JPH3: variants seen among roughly 807,000 people sequenced by gnomAD.
JPH3 encodes junctophilin-3.
In JPH3, 11 loss-of-function variants were observed where a neutral mutation model predicts 59.6. The ratio of observed to expected loss-of-function variants is 0.18; its 90% CI spans 0.12 to 0.31. The LOEUF (loss-of-function observed/expected upper bound fraction) is 0.31, where lower values mean the gene tolerates loss of function less well. JPH3 is among the 10% of genes least tolerant of loss of function. JPH3 has a pLI of 1.00. For missense variants in JPH3, 1,202 were observed against 1,105.7 expected (o/e 1.09, Z -1.24); for synonymous variants, 673 against 483.6 (o/e 1.39, Z -5.14).
intron 2 of JPH3, among the ~76,000 whole-genome samples, chr16:87,677,232 A>T (rs1408685417): frequency 3.8e-5 from 2 of 53,332 alleles, no homozygotes; most frequent in Non-Finnish European, 7.4e-5. Flanking sequence ...ACACAAAAAA[A>T]AAAATTAGCC....
At chr16:87,629,664 C>A (rs139963079) in intron 1 of JPH3, among the ~76,000 whole-genome samples, 1 of 131,308 alleles carries the variant, frequency 7.6e-6, no homozygotes, top group African/African-American at 2.8e-5. Flanking sequence ...GTGACAAGAT[C>A]ATTGGTTGCC....
chr16:87,692,055 C>T (rs1363843666), intron 4 of JPH3, among the ~76,000 whole-genome samples: 2 of 152,126 alleles, frequency 1.3e-5, no homozygotes, highest in Non-Finnish European at 2.9e-5. Flanking sequence ...TACATGCTGC[C>T]CTGGTCCTGC....
intron 2 of JPH3, chr16:87,683,802 T>G: frequency 4.3e-6 from 1 of 233,526 alleles, no homozygotes; most frequent in Non-Finnish European, 8.3e-6. Flanking sequence ...GACAGGCTTT[T>G]GCCATGTTGC....
At chr16:87,615,345 G>A (rs1325829505) in intron 1 of JPH3, among the ~76,000 whole-genome samples, 3 of 152,188 alleles carry the variant, frequency 2.0e-5, no homozygotes, top group Admixed American at 1.3e-4. Flanking sequence ...GCCCCCTTCC[G>A]GAGGCCCCGT....
Position 87,690,271 on chromosome 16 carries a change from G to T in JPH3, c.1911G>T (p.Arg637=). The T allele has an allele frequency of 3.1e-6, 5 of 1,602,090 alleles. No individual in the cohort carries two copies. The highest frequency in any genetic ancestry group is 4.3e-6 in the Non-Finnish European group (5 of 1,174,814). The part of the protein sequence containing the change: ...KRRYSKGGAC[R]GLGDDHRPED... ...GCTACAGCAAGGGCGGCGCCTGCCG[G>T]GGCTTGGGGGACGACCACCGCCCCG... The change falls in exon 4 of 5, where the codon CGG becomes CGT. Residue 637 remains arginine, a synonymous_variant. Transcript: ENST00000284262.
At chr16:87,661,879 G>T (rs1380226130) in intron 2 of JPH3, among the ~76,000 whole-genome samples, 1 of 152,246 alleles carries the variant, frequency 6.6e-6, no homozygotes, top group Non-Finnish European at 1.5e-5. Context: ...CAGGAAGCCT[G>T]GGGTATTTCA....
chr16:87,669,099 G>A (rs2150865075), intron 2 of JPH3, among the ~76,000 whole-genome samples: 1 of 152,304 alleles, frequency 6.6e-6, no homozygotes, highest in East Asian at 1.9e-4. Context: ...AGGCGTGGCG[G>A]GCCTTCCCTC....
At chr16:87,636,354 TTTTG>T (rs2031746607) in intron 1 of JPH3, among the ~76,000 whole-genome samples, 1 of 152,168 alleles carries the variant, frequency 6.6e-6, no homozygotes, top group African/African-American at 2.4e-5. Flanking sequence ...AGCCCAGACT[TTTTG>T]TTTACTTAAT....
At chr16:87,671,533 C>G (rs1026869717) in intron 2 of JPH3, among the ~76,000 whole-genome samples, 11 of 152,196 alleles carry the variant, frequency 7.2e-5, no homozygotes, top group African/African-American at 2.7e-4. Flanking sequence ...GAGAGGTGAC[C>G]ACCAGGCCCT....
chr16:87,660,558 C>T (rs1440823654), intron 2 of JPH3, among the ~76,000 whole-genome samples: 2 of 152,204 alleles, frequency 1.3e-5, no homozygotes, highest in African/African-American at 4.8e-5. Flanking sequence ...CAGACCAGTA[C>T]ACCAGGGTCT....
At chr16:87,687,327 A>C (rs55819403) in intron 3 of JPH3, among the ~76,000 whole-genome samples, 2,882 of 152,252 alleles carry the variant, frequency 0.019, 91 homozygotes, top group African/African-American at 0.065. Flanking sequence ...TCAGGATTTA[A>C]AACGAGGCTC....
At chr16:87,666,529 C>G (rs1227739426) in intron 2 of JPH3, among the ~76,000 whole-genome samples, 1 of 152,042 alleles carries the variant, frequency 6.6e-6, no homozygotes, top group Non-Finnish European at 1.5e-5. Context: ...GCAGCTGCAA[C>G]TACAGGTGTG....
At chr16:87,622,144 C>T (rs554032604) in intron 1 of JPH3, among the ~76,000 whole-genome samples, 26 of 152,276 alleles carry the variant, frequency 1.7e-4, no homozygotes, top group African/African-American at 5.8e-4. Flanking sequence ...CAGAGCCAGC[C>T]GCATGCCACC....
intron 2 of JPH3, among the ~76,000 whole-genome samples, chr16:87,655,266 C>T (rs1361797954): frequency 6.6e-6 from 1 of 152,248 alleles, no homozygotes; most frequent in Non-Finnish European, 1.5e-5. Flanking sequence ...CTCCGGCCTC[C>T]CTGCGTGGCC....
At chr16:87,675,127 G>A (rs2033111323) in intron 2 of JPH3, among the ~76,000 whole-genome samples, 1 of 152,052 alleles carries the variant, frequency 6.6e-6, no homozygotes, top group Non-Finnish European at 1.5e-5. Flanking sequence ...GGCAGTGGAA[G>A]GATGATTTCT....
At chr16:87,608,701 C>T (rs899218962) in intron 1 of JPH3, among the ~76,000 whole-genome samples, 7 of 152,116 alleles carry the variant, frequency 4.6e-5, no homozygotes, top group South Asian at 2.1e-4. Context: ...TGCCAGTGAC[C>T]GCCTGGTCCC....
At chr16:87,685,330 C>T (rs915618490) in intron 3 of JPH3, among the ~76,000 whole-genome samples, 22 of 152,242 alleles carry the variant, frequency 1.4e-4, no homozygotes, top group African/African-American at 2.9e-4. Flanking sequence ...TATTCCACTG[C>T]GTCCCCTCCA....
chr16:87,677,223 CACAAAAAAAA>C lies in JPH3; in HGVS notation c.1161-6917_1161-6908del, dbSNP rs752433949. On this transcript the variant is annotated intron_variant, in intron 2 of 4. Coordinates refer to ENST00000284262, the MANE Select transcript of JPH3 (RefSeq NM_020655.4). Reference sequence around the variant, plus strand: ...ACACACACACACACACACACACACACACAAAAAAAAAAATTAGCCGGGTGTGGTGGGCGCC... The same window carrying C: ...ACACACACACACACACACACACACACAAATTAGCCGGGTGTGGTGGGCGCC... Among the ~76,000 whole-genome samples the C allele has an allele frequency of 2.9e-3, 324 of 111,440 alleles. 1 individual carries two copies. The highest frequency in any genetic ancestry group is 3.9e-3 in the Non-Finnish European group (215 of 54,618). 73.1% of individuals were successfully genotyped at this position (111,440 alleles called of 152,430 possible).
At chr16:87,679,921 C>T (rs1474273207) in intron 2 of JPH3, among the ~76,000 whole-genome samples, 5 of 152,248 alleles carry the variant, frequency 3.3e-5, no homozygotes, top group South Asian at 2.1e-4. Flanking sequence ...GCACAGCCCC[C>T]GCCCTCTGCT....
Sources: gnomAD v4.1 joint callset for allele counts (sites outside exome capture counted in the v4.1 genomes callset) on GRCh38, gnomAD v4.1.1 for gene constraint, MANE v1.5 for transcripts, NCBI Gene and HGNC (gene_info 2026-07-23, HGNC 2026-07-21) for gene names.